Variants in MAX observed in about 807,000 individuals in gnomAD.
MAX encodes the protein protein max.
Under a neutral mutation model 22.3 loss-of-function variants are expected in MAX, and 3 were observed. The observed-to-expected ratio is 0.13, with a 90% CI of 0.06 to 0.35. The LOEUF (loss-of-function observed/expected upper bound fraction) is 0.35, where lower values mean the gene tolerates loss of function less well. Ranked by LOEUF, MAX falls within the 10% of genes least tolerant of loss-of-function variation. The pLI is 1.00. For synonymous variants in MAX, 72 were observed against 77.7 expected (o/e 0.93, Z 0.39); for missense variants, 119 against 209.4 (o/e 0.57, Z 2.66).
rs896049647 is a variant in MAX, at chr14:65,077,215, G to A, written c.296-552C>T. On this transcript the variant is annotated intron_variant, in intron 4 of 4. Coordinates refer to ENST00000358664, the MANE Select transcript of MAX (RefSeq NM_002382.5). This position sits in a 1 kb window ranked among gnomAD's most constrained non-coding sequence, Gnocchi z 6.3. The stretch of plus-strand genomic sequence containing the variant: ...CCCTACATGCAGGCTGCCTGGCCCA[G>A]TAACCAACCCACTGACACCACCCAC... 1.4e-6 allele frequency: 1 copy of A among 717,286 alleles called. No homozygotes were observed. Among genetic ancestry groups the A allele is most frequent in the Non-Finnish European group, 2.5e-6 (1 of 407,542 alleles). The allele number at this position is 717,286 out of a possible 1,614,324, so 44.4% of individuals were successfully genotyped here.
intron 3 of MAX, chr14:65,061,549 T>C (rs1395365558): frequency 1.8e-6 from 1 of 557,648 alleles, no homozygotes; most frequent in Non-Finnish European, 3.0e-6. Flanking sequence ...CCACGTGGTG[T>C]GGTTGGTGAA....
rs564630747 is a variant in MAX at position 65,077,831 on chromosome 14, C to T, written c.295+82G>A. 6.2e-7 allele frequency: 1 copy of T among 1,614,206 alleles called. No individual in the cohort carries two copies. Among genetic ancestry groups the T allele is most frequent in the Non-Finnish European group, 8.5e-7 (1 of 1,180,042 alleles). ...CTGAGCACATACTCCATGACTGGCT[C>T]TGACTCTGCAGGCCCAGGTGCCAAA... On this transcript the variant is annotated intron_variant, in intron 4 of 4. Coordinates refer to ENST00000358664, the MANE Select transcript of MAX (RefSeq NM_002382.5). The surrounding 1 kb of genome is among the most constrained non-coding windows in gnomAD (Gnocchi z 6.3).
intron 3 of MAX, among the ~76,000 whole-genome samples, chr14:65,058,862 G>C (rs2062800734): frequency 6.6e-6 from 1 of 152,140 alleles, no homozygotes; most frequent in Non-Finnish European, 1.5e-5. Flanking sequence ...CAGTTTGCCA[G>C]TATGTTTGCC....
At chr14:65,008,508 C>T (rs2139496908) in intron 3 of MAX, among the ~76,000 whole-genome samples, 1 of 152,294 alleles carries the variant, frequency 6.6e-6, no homozygotes, top group South Asian at 2.1e-4. Context: ...ATACAGTTAC[C>T]GATGGGATAA....
rs565048560 is a variant in MAX at position 65,023,460 on chromosome 14, C to G, written c.172-17176G>C. On this transcript the variant is annotated intron_variant, in intron 3 of 3. Coordinates refer to the MAX transcript ENST00000341653. The surrounding 1 kb of genome is among the most constrained non-coding windows in gnomAD (Gnocchi z 4.1). ...GCTGATATCCCTGCTTTGAACTTGA[C>G]CCTCTTACAAGATTTACATACTCTT... 6.6e-6 allele frequency among the ~76,000 whole-genome samples: 1 copy of G among 152,284 alleles called. No homozygotes were observed. Among genetic ancestry groups the G allele is most frequent in the Non-Finnish European group, 1.5e-5 (1 of 68,028 alleles).
In MAX at chr14:65,014,662, A is replaced by AT. The variant is rs1820479961; in HGVS notation, c.172-8379_172-8378insA. Among the ~76,000 whole-genome samples, 3 of 152,196 alleles carry AT rather than the reference A, an allele frequency of 2.0e-5. No individual in the cohort carries two copies. The highest frequency in any genetic ancestry group is 1.3e-4 in the Admixed American group (2 of 15,276). ...GATGCTGTCTCTATAAAAACTTAAAAAATTAGCCAGGCATAGTGGTGTGTG... is the reference window on the plus strand; with the variant it reads ...GATGCTGTCTCTATAAAAACTTAAAATAATTAGCCAGGCATAGTGGTGTGTG... On this transcript the variant is annotated intron_variant, in intron 3 of 3. Transcript: ENST00000341653. This position sits in a 1 kb window ranked among gnomAD's most constrained non-coding sequence, Gnocchi z 5.1.
rs891127656 is a variant in MAX at position 65,082,959 on chromosome 14, G to A, written c.172-4923C>T. On this transcript the variant is annotated intron_variant, in intron 3 of 4. Transcript: ENST00000358664. This position sits in a 1 kb window ranked among gnomAD's most constrained non-coding sequence, Gnocchi z 4.8. Reference sequence around the variant, plus strand: ...TAACCATCTGGTCTGGAGGGCAGAAGTGGAAGGTTAGGTGGGGGATGTCAG... The same window carrying A: ...TAACCATCTGGTCTGGAGGGCAGAAATGGAAGGTTAGGTGGGGGATGTCAG... Among the ~76,000 whole-genome samples the A allele has an allele frequency of 3.3e-5, 5 of 152,232 alleles. No homozygotes were observed. The highest frequency in any genetic ancestry group is 3.3e-4 in the Admixed American group (5 of 15,284).
In MAX at chr14:65,044,497, C is replaced by G. The variant is rs2062431245; in HGVS notation, c.172-38213G>C. 3 of 1,565,972 alleles carry G rather than the reference C, an allele frequency of 1.9e-6. No homozygotes were observed. The African/African-American group carries it at 4.2e-5, about 22-fold the overall frequency. ...CTGGATGATTTCCCTCCACTACTCA[C>G]AAAGTCTGGAAGCCCAGCGTGCTTT... On this transcript the variant is annotated intron_variant, in intron 3 of 3. Transcript: ENST00000341653. The surrounding 1 kb of genome is among the most constrained non-coding windows in gnomAD (Gnocchi z 5.5).
intron 3 of MAX, chr14:65,040,964 G>C: frequency 6.2e-7 from 1 of 1,603,170 alleles, no homozygotes; most frequent in Non-Finnish European, 8.5e-7. Context: ...CCAGGTCATG[G>C]TGATGTGATT....
At chr14:65,033,399 G>A (rs2062123834) in intron 3 of MAX, among the ~76,000 whole-genome samples, 1 of 152,314 alleles carries the variant, frequency 6.6e-6, no homozygotes, top group African/African-American at 2.4e-5. Context: ...GCTGAGGGGA[G>A]AGCAAAGGAA....
In MAX at chr14:65,006,463, C is replaced by G. The variant is rs187862645; in HGVS notation, c.172-179G>C. ...CATTTATTTAAATAGCTTGGGAGAA[C>G]GAGCTCTCTTAAATGTAATGGTATC... On this transcript the variant is annotated intron_variant, in intron 3 of 3. Transcript: ENST00000341653. Among the ~76,000 whole-genome samples the G allele has an allele frequency of 4.7e-4, 71 of 152,300 alleles. No individual in the cohort carries two copies. The East Asian group carries it at 0.013, about 29-fold the overall frequency.
Position 65,078,252 on chromosome 14 carries a change from A to T in MAX, c.172-216T>A, listed in dbSNP as rs1005096433. Among the ~76,000 whole-genome samples, 2 of 152,054 alleles carry T rather than the reference A, an allele frequency of 1.3e-5. No homozygotes were observed. Among genetic ancestry groups the T allele is most frequent in the African/African-American group, 4.8e-5 (2 of 41,378 alleles). Reference sequence around the variant, plus strand: ...GTTTCGCTCTTGTTGCCCAAGCTGGAGTGCAACAGCGTGATCTTGGCTGAC... The same window carrying T: ...GTTTCGCTCTTGTTGCCCAAGCTGGTGTGCAACAGCGTGATCTTGGCTGAC... On this transcript the variant is annotated intron_variant, in intron 3 of 4. Transcript: ENST00000358664. This position sits in a 1 kb window ranked among gnomAD's most constrained non-coding sequence, Gnocchi z 6.4.
At chr14:65,099,746 A>C (rs2063779051) in intron 2 of MAX, among the ~76,000 whole-genome samples, 1 of 152,170 alleles carries the variant, frequency 6.6e-6, no homozygotes, top group African/African-American at 2.4e-5. Flanking sequence ...ATGAAGGATA[A>C]AAGTAAATGT....
chr14:65,026,734 C>T (rs548215632), intron 3 of MAX, among the ~76,000 whole-genome samples: 8 of 152,062 alleles, frequency 5.3e-5, no homozygotes, highest in African/African-American at 1.2e-4. Context: ...TGATGGTGCA[C>T]GCCTGTAATC....
intron 3 of MAX, among the ~76,000 whole-genome samples, chr14:65,024,103 TAA>T (rs557949276): frequency 2.2e-4 from 28 of 129,646 alleles, no homozygotes; most frequent in Admixed American, 3.8e-4. Context: ...CTCCATCTCC[TAA>T]AAAAAAAAAA....
At chr14:65,024,691 G>T (rs1325223465) in intron 3 of MAX, among the ~76,000 whole-genome samples, 2 of 152,150 alleles carry the variant, frequency 1.3e-5, no homozygotes, top group Admixed American at 1.3e-4. Flanking sequence ...GTGCCACTTG[G>T]TGTTTGTACA....
intron 3 of MAX, among the ~76,000 whole-genome samples, chr14:65,059,382 G>A (rs776041903): frequency 6.6e-6 from 1 of 151,352 alleles, no homozygotes; most frequent in Non-Finnish European, 1.5e-5. Context: ...GAGATTATCT[G>A]TTTCTTTGTA....
rs146381304 is a variant in MAX at position 65,091,986 on chromosome 14, G to A, written c.171+1722C>T. ...AATAAATGAGCCACAACAAATGACA[G>A]ACTATTCCATTTGTAAGACTACCAA... is the stretch of plus-strand genomic sequence containing the variant. On this transcript the variant is annotated intron_variant, in intron 3 of 4. Transcript: ENST00000358664. The A allele has an allele frequency of 6.2e-4, 94 of 152,238 alleles. 1 individual carries two copies. Among genetic ancestry groups the A allele is most frequent in the African/African-American group, 2.2e-3 (92 of 41,554 alleles). The allele number at this position is 152,238 out of a possible 1,614,324, so 9.4% of individuals were successfully genotyped here.
At position 65,076,108 on chromosome 14, in the gene MAX, C is replaced by CG; in HGVS notation, c.*367dup. On this transcript the variant is annotated 3_prime_UTR_variant, in exon 5 of 5. Coordinates refer to ENST00000358664, the MANE Select transcript of MAX (RefSeq NM_002382.5). The surrounding 1 kb of genome is among the most constrained non-coding windows in gnomAD (Gnocchi z 6.6). ...CCACCTGGGCAGGGCAGGCGTCCCCCGGGCATGTGCCCGGCAGGGCTGGAG... is the reference window on the plus strand; with the variant it reads ...CCACCTGGGCAGGGCAGGCGTCCCCCGGGGCATGTGCCCGGCAGGGCTGGAG... 7.8e-7 allele frequency: 1 copy of CG among 1,278,660 alleles called. No individual in the cohort carries two copies. Among genetic ancestry groups the CG allele is most frequent in the African/African-American group, 1.5e-5 (1 of 66,926 alleles). The allele number at this position is 1,278,660 out of a possible 1,614,324, so 79.2% of individuals were successfully genotyped here.
Sources: allele counts gnomAD v4.1 joint callset (sites outside exome capture counted in the v4.1 genomes callset), GRCh38; gene constraint gnomAD v4.1.1; non-coding constraint Gnocchi (gnomAD v3.1); transcripts MANE v1.5; gene names NCBI Gene and HGNC (gene_info 2026-07-23, HGNC 2026-07-21).